Variants in KCNH7 observed in about 807,000 individuals in gnomAD.
KCNH7 encodes potassium voltage-gated channel subfamily H member 7.
KCNH7 carries 49 observed loss-of-function variants against 120.8 expected under a neutral mutation model. That is an observed-to-expected ratio of 0.41 (90% CI 0.32 to 0.51). The LOEUF is 0.51. Among genes scored for constraint, KCNH7 ranks in the 20% least tolerant of loss-of-function variants. The pLI is 0.38. For missense variants in KCNH7, 1,097 were observed against 1,446.6 expected (o/e 0.76, Z 3.92); for synonymous variants, 547 against 516.1 (o/e 1.06, Z -0.81).
At chr2:162,448,060 T>C (rs145677748) in intron 6 of KCNH7, among the ~76,000 whole-genome samples, 218 of 152,210 alleles carry the variant, frequency 1.4e-3, no homozygotes, top group Middle Eastern at 0.01. Flanking sequence ...TGAGAAATGA[T>C]GGCAGCTAAT....
intron 2 of KCNH7, among the ~76,000 whole-genome samples, chr2:162,598,011 C>T (rs1433832885): frequency 6.6e-6 from 1 of 152,006 alleles, no homozygotes; most frequent in Non-Finnish European, 1.5e-5. Context: ...TCCCAGTATT[C>T]CTGGCCAATC....
chr2:162,668,987 A>G (rs1685244698), intron 2 of KCNH7, among the ~76,000 whole-genome samples: 1 of 152,178 alleles, frequency 6.6e-6, no homozygotes, highest in Non-Finnish European at 1.5e-5. Flanking sequence ...AATTTTAAAA[A>G]TTAGAGGGTA....
chr2:162,448,803 A>G (rs777303316), intron 6 of KCNH7, among the ~76,000 whole-genome samples: 1 of 152,014 alleles, frequency 6.6e-6, no homozygotes, highest in Non-Finnish European at 1.5e-5. Flanking sequence ...AAAGATGGGG[A>G]AGACACTGTC....
chr2:162,514,683 A>T (rs1303129335), intron 4 of KCNH7, among the ~76,000 whole-genome samples: 1 of 151,644 alleles, frequency 6.6e-6, no homozygotes, highest in Non-Finnish European at 1.5e-5. Context: ...TTTACATTTT[A>T]TTTTTCCAGT....
At chr2:162,395,561 G>A (rs1182459080) in intron 11 of KCNH7, among the ~76,000 whole-genome samples, 1 of 151,630 alleles carries the variant, frequency 6.6e-6, no homozygotes, top group Non-Finnish European at 1.5e-5. Context: ...GTTATGAGAG[G>A]TAGATATTTG....
At chr2:162,441,999 C>CTTCTTTTTTTTTTT (rs1688430885) in intron 7 of KCNH7, among the ~76,000 whole-genome samples, 8 of 41,572 alleles carry the variant, frequency 1.9e-4, no homozygotes, top group Admixed American at 1.1e-3. Flanking sequence ...GTTAGGTCTT[C>CTTCTTTTTTTTTTT]TTTTTTTTTT....
intron 2 of KCNH7, among the ~76,000 whole-genome samples, chr2:162,568,005 A>C (rs1368665562): frequency 2.6e-5 from 4 of 152,020 alleles, no homozygotes; most frequent in African/African-American, 9.7e-5. Flanking sequence ...GAGCCTGGGT[A>C]ATTTATAAAT....
At chr2:162,631,900 G>A (rs1415258856) in intron 2 of KCNH7, among the ~76,000 whole-genome samples, 3 of 151,952 alleles carry the variant, frequency 2.0e-5, no homozygotes. Context: ...AAAATTTAAT[G>A]AAGATTATCT....
intron 2 of KCNH7, among the ~76,000 whole-genome samples, chr2:162,537,633 G>A (rs1374156430): frequency 6.6e-6 from 1 of 151,850 alleles, no homozygotes; most frequent in Non-Finnish European, 1.5e-5. Flanking sequence ...AATTACAATG[G>A]TTTTGTTTGG....
At chr2:162,399,075 C>T (rs113603077) in intron 10 of KCNH7, among the ~76,000 whole-genome samples, 2 of 151,780 alleles carry the variant, frequency 1.3e-5, no homozygotes, top group Non-Finnish European at 2.9e-5. Context: ...CATATGTGAA[C>T]ATCAAAAGCT....
At chr2:162,422,643 G>C (rs1687743985) in intron 9 of KCNH7, among the ~76,000 whole-genome samples, 2 of 152,074 alleles carry the variant, frequency 1.3e-5, no homozygotes. Flanking sequence ...ATTATTAATA[G>C]TGTTGATTTT....
In KCNH7 at chr2:162,559,820, G is replaced by A. The variant is rs189919058; in HGVS notation, c.308-22740C>T. The stretch of plus-strand genomic sequence containing the variant: ...ATGTGAACACTGGAAAGAGAGAGGA[G>A]GTGGCTGTGTGCCTGAAGTATGTTT... On this transcript the variant is annotated intron_variant, in intron 2 of 15. Transcript: ENST00000332142. Among the ~76,000 whole-genome samples the A allele has an allele frequency of 5.3e-5, 8 of 152,280 alleles. No individual in the cohort carries two copies. The East Asian group carries it at 1.5e-3, about 29-fold the overall frequency.
At chr2:162,546,633 C>T (rs561221880) in intron 2 of KCNH7, among the ~76,000 whole-genome samples, 29 of 152,172 alleles carry the variant, frequency 1.9e-4, no homozygotes, top group East Asian at 1.2e-3. Context: ...CCATGATGTC[C>T]GTATGACTGT....
intron 2 of KCNH7, among the ~76,000 whole-genome samples, chr2:162,818,864 C>A (rs1573926946): frequency 6.6e-6 from 1 of 152,040 alleles, no homozygotes; most frequent in Non-Finnish European, 1.5e-5. Flanking sequence ...CCAAAGTTAA[C>A]CCCACCAATT....
chr2:162,587,437 A>G (rs1694055245), intron 2 of KCNH7, among the ~76,000 whole-genome samples: 1 of 152,124 alleles, frequency 6.6e-6, no homozygotes, highest in South Asian at 2.1e-4. Context: ...AAGAACTAAT[A>G]CAGAGTTCAT....
intron 10 of KCNH7, 106 bp from the exon 11 acceptor site, chr2:162,397,051 A>G (rs2105438348): frequency 2.8e-6 from 2 of 723,650 alleles, no homozygotes; most frequent in South Asian, 3.6e-5. Context: ...TCCCTGAACC[A>G]GACTTGGTGA....
At chr2:162,435,666 A>G in intron 7 of KCNH7, 69 bp from the exon 8 acceptor site, 1 of 1,466,028 alleles carries the variant, frequency 6.8e-7, no homozygotes, top group Non-Finnish European at 9.1e-7. Flanking sequence ...TATGAAGCAA[A>G]GTGGACAAAA....
chr2:162,701,868 A>G (rs760195511), intron 2 of KCNH7, among the ~76,000 whole-genome samples: 6 of 152,010 alleles, frequency 3.9e-5, no homozygotes, highest in Middle Eastern at 3.2e-3. Context: ...TTAGCAGGGC[A>G]TGGTGGTACA....
intron 2 of KCNH7, among the ~76,000 whole-genome samples, chr2:162,635,596 T>C (rs1032374065): frequency 6.6e-6 from 1 of 152,080 alleles, no homozygotes; most frequent in Non-Finnish European, 1.5e-5. Flanking sequence ...CATATCTGAA[T>C]CACAATTCCT....
Sources: allele counts gnomAD v4.1 joint callset (sites outside exome capture counted in the v4.1 genomes callset), GRCh38; gene constraint gnomAD v4.1.1; transcripts MANE v1.5; gene names NCBI Gene and HGNC (gene_info 2026-07-23, HGNC 2026-07-21).